The following PIP4K2A variants were observed in gnomAD, a reference collection of about 807,000 sequenced individuals.
PIP4K2A encodes the protein phosphatidylinositol 5-phosphate 4-kinase type-2 alpha.
PIP4K2A carries 14 observed loss-of-function variants against 42.9 expected under a neutral mutation model. The ratio of observed to expected loss-of-function variants is 0.33; its 90% CI spans 0.22 to 0.51. PIP4K2A has a LOEUF of 0.51. Among genes scored for constraint, PIP4K2A ranks in the 20% least tolerant of loss-of-function variants. PIP4K2A has a pLI of 0.97. For synonymous variants in PIP4K2A, 192 were observed against 192.2 expected (o/e 1.00, Z 0.01); for missense variants, 434 against 519.8 (o/e 0.83, Z 1.61).
chr10:22,583,862 G>A (rs1354947865), intron 4 of PIP4K2A, among the ~76,000 whole-genome samples: 2 of 152,258 alleles, frequency 1.3e-5, no homozygotes, highest in Non-Finnish European at 2.9e-5. Context: ...TGCAGGGGCA[G>A]CTCCTTCTAG....
In PIP4K2A at chr10:22,653,269, C is replaced by T. The variant is rs535558400; in HGVS notation, c.145-43552G>A. 5.3e-5 allele frequency among the ~76,000 whole-genome samples: 8 copies of T among 152,144 alleles called. No individual in the cohort carries two copies. In the East Asian group the frequency reaches 9.7e-4, roughly 18 times the overall value. ...CTCTTGCCTCAGGTGGGGGGCAGTACGTGGGAGGTAAGGAAATGAAGGAAG... is the reference window on the plus strand; with the variant it reads ...CTCTTGCCTCAGGTGGGGGGCAGTATGTGGGAGGTAAGGAAATGAAGGAAG... On this transcript the variant is annotated intron_variant, in intron 1 of 9. Transcript: ENST00000376573.
At chr10:22,702,681 C>G (rs1300102858) in intron 1 of PIP4K2A, among the ~76,000 whole-genome samples, 1 of 152,118 alleles carries the variant, frequency 6.6e-6, no homozygotes, top group African/African-American at 2.4e-5. Context: ...ACCCGCTCAG[C>G]AAAATGCTCT....
At chr10:22,627,161 C>T (rs1164724563) in intron 1 of PIP4K2A, among the ~76,000 whole-genome samples, 10 of 152,156 alleles carry the variant, frequency 6.6e-5, no homozygotes, top group South Asian at 2.1e-4. Context: ...GATCAATTAA[C>T]ATTAATTTCT....
chr10:22,608,357 G>A (rs945258216), intron 2 of PIP4K2A, among the ~76,000 whole-genome samples: 2 of 152,172 alleles, frequency 1.3e-5, no homozygotes, highest in African/African-American at 4.8e-5. Flanking sequence ...CACAATGGCG[G>A]GAGAGTGAGT....
At chr10:22,619,823 A>G (rs1838279694) in intron 1 of PIP4K2A, among the ~76,000 whole-genome samples, 2 of 152,216 alleles carry the variant, frequency 1.3e-5, no homozygotes, top group Non-Finnish European at 2.9e-5. Flanking sequence ...TATTTTAATT[A>G]ACATTTTCTT....
At position 22,536,424 on chromosome 10, in the gene PIP4K2A, T is replaced by C. The variant is rs1159; in HGVS notation, c.*777A>G. ...CATATTGGCCGAGGTGAAAAATGTA[T>C]AGAGAATCACTGGGGCATCAGCTGC... is the stretch of plus-strand genomic sequence containing the variant. On this transcript the variant is annotated 3_prime_UTR_variant, in exon 10 of 10. Coordinates refer to ENST00000376573, the MANE Select transcript of PIP4K2A (RefSeq NM_005028.5). 316 of 259,068 alleles carry C rather than the reference T, an allele frequency of 1.2e-3. No individual in the cohort carries two copies. The highest frequency in any genetic ancestry group is 2.1e-3 in the Admixed American group (38 of 18,264). 16.0% of individuals were successfully genotyped at this position (259,068 alleles called of 1,614,324 possible).
At chr10:22,677,926 T>A (rs1436114901) in intron 1 of PIP4K2A, among the ~76,000 whole-genome samples, 1 of 152,174 alleles carries the variant, frequency 6.6e-6, no homozygotes. Flanking sequence ...AGAGTCGATA[T>A]AATAGGCCAC....
rs10681238 is a variant in PIP4K2A, at chr10:22,596,205, C to CAAAAAAAAAAAAA, written c.340-4437_340-4425dup. 1.0e-3 allele frequency among the ~76,000 whole-genome samples: 71 copies of CAAAAAAAAAAAAA among 69,634 alleles called. 3 individuals carry two copies. The highest frequency in any genetic ancestry group is 1.3e-3 in the Non-Finnish European group (51 of 39,338). 45.7% of individuals were successfully genotyped at this position (69,634 alleles called of 152,430 possible). A position where few individuals can be genotyped will look rare whatever the true frequency, so the allele number is the denominator to read the frequency against. ...GGGCAACAAGAGCAAAACTCCGTCT[C>CAAAAAAAAAAAAA]AAAAAAAAAAAAAAAAAAAAGGATT... is the stretch of plus-strand genomic sequence containing the variant. On this transcript the variant is annotated intron_variant, in intron 3 of 9. Coordinates refer to ENST00000376573, the MANE Select transcript of PIP4K2A (RefSeq NM_005028.5).
chr10:22,569,229 C>A (rs1403735232), intron 5 of PIP4K2A, among the ~76,000 whole-genome samples: 1 of 152,218 alleles, frequency 6.6e-6, no homozygotes, highest in Non-Finnish European at 1.5e-5. Flanking sequence ...GATCTTCCAT[C>A]CCCCTGGTGC....
At chr10:22,538,111 T>C (rs1835982714) in intron 9 of PIP4K2A, among the ~76,000 whole-genome samples, 2 of 152,216 alleles carry the variant, frequency 1.3e-5, no homozygotes, top group Non-Finnish European at 2.9e-5. Flanking sequence ...TAAGTGAGCA[T>C]GTGCTGTTTT....
Position 22,535,932 on chromosome 10 carries a change from C to T in PIP4K2A, c.*1269G>A, listed in dbSNP as rs906351677. The T allele has an allele frequency of 5.1e-6, 2 of 392,768 alleles. No homozygotes were observed. The highest frequency in any genetic ancestry group is 9.0e-6 in the Non-Finnish European group (2 of 222,892). 24.3% of individuals were successfully genotyped at this position (392,768 alleles called of 1,614,324 possible). Reference sequence around the variant, plus strand: ...CCTTTTATTGTGAAAGACTGTCTACCATGTACTTTGACTAAAACACTCACG... The same window carrying T: ...CCTTTTATTGTGAAAGACTGTCTACTATGTACTTTGACTAAAACACTCACG... On this transcript the variant is annotated 3_prime_UTR_variant, in exon 10 of 10. Coordinates refer to ENST00000376573, the MANE Select transcript of PIP4K2A (RefSeq NM_005028.5).
At chr10:22,699,495 A>G (rs1284281120) in intron 1 of PIP4K2A, among the ~76,000 whole-genome samples, 2 of 151,934 alleles carry the variant, frequency 1.3e-5, no homozygotes, top group Non-Finnish European at 2.9e-5. Flanking sequence ...ATACCTGGGA[A>G]TGTGCGAAAC....
At chr10:22,557,463 T>C (rs745884613) in intron 6 of PIP4K2A, among the ~76,000 whole-genome samples, 5 of 152,256 alleles carry the variant, frequency 3.3e-5, no homozygotes, top group Non-Finnish European at 4.4e-5. Context: ...CTTTGTTTGT[T>C]TGAAGTGGGA....
At chr10:22,547,747 T>A (rs1452755906) in intron 7 of PIP4K2A, among the ~76,000 whole-genome samples, 1 of 152,176 alleles carries the variant, frequency 6.6e-6, no homozygotes, top group East Asian at 1.9e-4. Context: ...TGATCAGAAT[T>A]GACAAAACAC....
chr10:22,584,569 C>T (rs964531862), intron 4 of PIP4K2A, among the ~76,000 whole-genome samples: 2 of 152,118 alleles, frequency 1.3e-5, no homozygotes, highest in Non-Finnish European at 2.9e-5. Flanking sequence ...GCAGGAAAAG[C>T]TTGCTGGGGA....
At position 22,555,475 on chromosome 10, in the gene PIP4K2A, G is replaced by A. The variant is rs909456825; in HGVS notation, c.679-4703C>T. Among the ~76,000 whole-genome samples the A allele has an allele frequency of 7.2e-5, 11 of 152,270 alleles. No individual in the cohort carries two copies. In the East Asian group the frequency reaches 1.4e-3, roughly 19 times the overall value. Reference sequence around the variant, plus strand: ...CTTATGGATCTAGGAAAAGCGCATCGCTGATCAATCCAGAGCAAGATTTTT... The same window carrying A: ...CTTATGGATCTAGGAAAAGCGCATCACTGATCAATCCAGAGCAAGATTTTT... On this transcript the variant is annotated intron_variant, in intron 6 of 9. Coordinates refer to ENST00000376573, the MANE Select transcript of PIP4K2A (RefSeq NM_005028.5).
At chr10:22,639,090 T>C (rs1343531443) in intron 1 of PIP4K2A, among the ~76,000 whole-genome samples, 1 of 152,128 alleles carries the variant, frequency 6.6e-6, no homozygotes, top group African/African-American at 2.4e-5. Context: ...ATGGTCAAGA[T>C]GTGGTGGTTA....
chr10:22,565,364 T>C (rs1049950696), intron 6 of PIP4K2A, among the ~76,000 whole-genome samples: 8 of 152,252 alleles, frequency 5.3e-5, no homozygotes, highest in African/African-American at 1.9e-4. Context: ...GTGAAGATTT[T>C]ATGGACATTT....
intron 1 of PIP4K2A, among the ~76,000 whole-genome samples, chr10:22,682,948 G>A (rs748332368): frequency 2.0e-5 from 3 of 152,034 alleles, no homozygotes; most frequent in East Asian, 1.9e-4. Context: ...AACAATGTGC[G>A]GTCATCTACC....
Sources: allele counts gnomAD v4.1 joint callset (sites outside exome capture counted in the v4.1 genomes callset), GRCh38; gene constraint gnomAD v4.1.1; transcripts MANE v1.5; gene names NCBI Gene and HGNC (gene_info 2026-07-23, HGNC 2026-07-21).